Variants in DHRS4 observed in about 807,000 individuals in gnomAD.
The protein encoded by DHRS4 is dehydrogenase/reductase SDR family member 4.
DHRS4 carries 20 observed loss-of-function variants against 28.4 expected under a neutral mutation model. That is an observed-to-expected ratio of 0.71 (90% confidence interval 0.50 to 1.02). The LOEUF (loss-of-function observed/expected upper bound fraction) is 1.02. Among genes scored for constraint, DHRS4 ranks in the 50% least tolerant of loss-of-function variants. The probability of loss-of-function intolerance (pLI) is 0.00; values close to 1 mark genes in which losing one functional copy is unlikely to be tolerated. For synonymous variants in DHRS4, 144 were observed against 146.4 expected, an observed-to-expected ratio of 0.98 and a Z score of 0.12; for missense variants, 378 against 367.2, an observed-to-expected ratio of 1.03 and a Z score of -0.24.
intron 3 of DHRS4, among the ~76,000 whole-genome samples, chr14:23,965,523 A>G (rs1343303648): frequency 1.4e-5 from 2 of 145,124 alleles, no homozygotes; most frequent in Non-Finnish European, 3.0e-5. Context: ...ATGAAACAAG[A>G]TGAACCAGGC....
At chr14:23,960,038 G>T in intron 3 of DHRS4, 35 bp downstream of exon 3, 1 of 1,582,752 alleles carries the variant, frequency 6.3e-7, no homozygotes, top group Non-Finnish European at 8.6e-7. Context: ...GCCGGGGGGG[G>T]CGCCTTGGAA....
At chr14:23,960,158 C>T (rs550225110) in intron 3 of DHRS4, among the ~76,000 whole-genome samples, 155 bp downstream of exon 3, 18 of 151,938 alleles carry the variant, frequency 1.2e-4, no homozygotes, top group South Asian at 4.2e-4. Flanking sequence ...TTGCAAAGGG[C>T]GGGTGGGGGT....
chr14:23,957,637 A>G (rs908681419), intron 2 of DHRS4, among the ~76,000 whole-genome samples: 2 of 150,012 alleles, frequency 1.3e-5, no homozygotes, highest in Admixed American at 1.3e-4. Context: ...GCTCACTGTA[A>G]CCTCGAAGTC....
intron 2 of DHRS4, among the ~76,000 whole-genome samples, chr14:23,957,829 G>T (rs534069335): frequency 6.7e-6 from 1 of 149,590 alleles, no homozygotes; most frequent in East Asian, 2.0e-4. Flanking sequence ...AGGATTATAG[G>T]TGTGAGCCAC....
At chr14:23,961,119 A>G (rs1442376306) in intron 3 of DHRS4, among the ~76,000 whole-genome samples, 3 of 151,684 alleles carry the variant, frequency 2.0e-5, no homozygotes, top group Non-Finnish European at 4.4e-5. Flanking sequence ...AACACTGGTG[A>G]TCACATTTCA....
At chr14:23,954,161 C>CGGAT (rs2032981669) in intron 1 of DHRS4, 2 of 560,482 alleles carry the variant, frequency 3.6e-6, no homozygotes, top group Non-Finnish European at 6.2e-6. Flanking sequence ...GCAGCCCTAT[C>CGGAT]GATCTAGTCT....
intron 3 of DHRS4, among the ~76,000 whole-genome samples, chr14:23,964,280 A>G (rs923704209): frequency 7.2e-6 from 1 of 139,482 alleles, no homozygotes; most frequent in Admixed American, 7.0e-5. Context: ...GCATAAGAAA[A>G]TATGTGTCTA....
At chr14:23,960,033 G>A (rs559951056) in intron 3 of DHRS4, 30 bp downstream of exon 3, 9 of 1,594,660 alleles carry the variant, frequency 5.6e-6, no homozygotes, top group Admixed American at 5.0e-5. Flanking sequence ...GGGGGGCCGG[G>A]GGGGGCGCCT....
At position 23,958,420 on chromosome 14, in the gene DHRS4, C is replaced by T. The variant is rs180820856; in HGVS notation, c.307-1482C>T. ...ATCAAAATTGCCAGTTCCGGGCAAA[C>T]GGAAAGTCTGGTTTCAGGGTGGCTT... On this transcript the variant is annotated intron_variant, in intron 2 of 7. Coordinates refer to ENST00000313250, the MANE Select transcript of DHRS4 (RefSeq NM_021004.4). Among the ~76,000 whole-genome samples the T allele has an allele frequency of 8.7e-4, 133 of 152,254 alleles. 1 individual carries two copies. The highest frequency in any genetic ancestry group is 4.1e-3 in the Admixed American group (62 of 15,294).
chr14:23,960,298 T>A (rs2033365068), intron 3 of DHRS4, among the ~76,000 whole-genome samples: 1 of 152,120 alleles, frequency 6.6e-6, no homozygotes, highest in South Asian at 2.1e-4. Context: ...GCCTTGTTGA[T>A]TTCCAACAGA....
Position 23,966,048 on chromosome 14 carries a change from T to C in DHRS4, c.531+65T>C. ...ACTCCACATCTTTCCACCCCTCCTA[T>C]TACCCAAGGAAGTTTGTGTCCCCTT... On this transcript the variant is annotated intron_variant, in intron 5 of 7. Coordinates refer to ENST00000313250, the MANE Select transcript of DHRS4 (RefSeq NM_021004.4). 3.1e-6 allele frequency: 5 copies of C among 1,608,068 alleles called. No homozygotes were observed. The South Asian group carries it at 4.4e-5, about 14-fold the overall frequency.
In DHRS4 at chr14:23,955,231, G is replaced by T. The variant is rs2033082742; in HGVS notation, c.306+19G>T. On this transcript the variant is annotated intron_variant, in intron 2 of 7. Transcript: ENST00000313250. ...GGCCACGGTGAGCTGCAGGGAAATG[G>T]GCACAGAGCCAGGAGGTGGAAAACG... The T allele has an allele frequency of 6.2e-7, 1 of 1,608,154 alleles. No homozygotes were observed. Among genetic ancestry groups the T allele is most frequent in the Non-Finnish European group, 8.5e-7 (1 of 1,177,162 alleles).
Position 23,965,950 on chromosome 14 carries a change from C to A in DHRS4, c.498C>A (p.Ile166=), listed in dbSNP as rs143261892. 2.4e-5 allele frequency: 39 copies of A among 1,609,678 alleles called. 1 individual carries two copies. The highest frequency in any genetic ancestry group is 3.1e-5 in the Non-Finnish European group (37 of 1,177,370). ...TTTCCAGAGGCGGCTCAGTGGTGAT[C>A]GTGTCTTCCATAGCAGCCTTCAGTC... ...MEKRGGGSVV[I]VSSIAAFSPS... The change falls in exon 5 of 8, where the codon ATC becomes ATA. Residue 166 remains isoleucine (I), a synonymous_variant. Coordinates refer to ENST00000313250, the MANE Select transcript of DHRS4 (RefSeq NM_021004.4).
intron 7 of DHRS4, chr14:23,967,551 T>A (rs2033677819): frequency 1.5e-6 from 1 of 669,994 alleles, no homozygotes; most frequent in South Asian, 1.5e-5. Flanking sequence ...CCTCTGAGCA[T>A]CCATGGAGAC....
intron 3 of DHRS4, 103 bp downstream of exon 3, chr14:23,960,106 T>C: frequency 8.9e-7 from 1 of 1,121,994 alleles, no homozygotes; most frequent in African/African-American, 1.6e-5. Flanking sequence ...GCAGTGTAAA[T>C]GTGAGGACTC....
At chr14:23,957,302 T>C (rs1451942447) in intron 2 of DHRS4, among the ~76,000 whole-genome samples, 1 of 151,904 alleles carries the variant, frequency 6.6e-6, no homozygotes. Context: ...ATTTGAAATG[T>C]CTTCTGCCAG....
intron 2 of DHRS4, among the ~76,000 whole-genome samples, chr14:23,958,106 G>C (rs1213308260): frequency 9.9e-5 from 15 of 151,914 alleles, no homozygotes; most frequent in African/African-American, 3.4e-4. Context: ...CAGAGCCAAG[G>C]CAGGTGACTT....
chr14:23,962,957 TC>T (rs1417653179), intron 3 of DHRS4, among the ~76,000 whole-genome samples: 1 of 139,132 alleles, frequency 7.2e-6, no homozygotes, highest in East Asian at 2.2e-4. Flanking sequence ...CTTGTACATC[TC>T]CATCAGAGCT....
intron 2 of DHRS4, among the ~76,000 whole-genome samples, chr14:23,958,932 A>G (rs6573483): frequency 0.99 from 150,878 of 152,316 alleles, 74,730 homozygotes; most frequent in Middle Eastern, 1. Context: ...CTCTGAACCT[A>G]TTTCATCATC....
Sources: gnomAD v4.1 joint callset for allele counts (sites outside exome capture counted in the v4.1 genomes callset) on GRCh38, gnomAD v4.1.1 for gene constraint, MANE v1.5 for transcripts, NCBI Gene and HGNC (gene_info 2026-07-23, HGNC 2026-07-21) for gene names.